RNF150: variants seen among roughly 807,000 people sequenced by gnomAD.
The protein encoded by RNF150 is ring finger protein 150.
Under a neutral mutation model 39.3 loss-of-function variants are expected in RNF150, and 24 were observed. The ratio of observed to expected loss-of-function variants is 0.61; its 90% CI spans 0.44 to 0.86. The LOEUF is 0.86. Among genes scored for constraint, RNF150 ranks in the 40% least tolerant of loss-of-function variants. The pLI is 0.00. For missense variants in RNF150, 502 were observed against 587.8 expected (o/e 0.85, Z 1.51); for synonymous variants, 255 against 227.3 (o/e 1.12, Z -1.10).
At chr4:140,966,905 G>A (rs746243492) in intron 2 of RNF150, among the ~76,000 whole-genome samples, 2 of 152,124 alleles carry the variant, frequency 1.3e-5, no homozygotes, top group African/African-American at 4.8e-5. Flanking sequence ...GAGAAAACAT[G>A]TCCGTTAATA....
At chr4:141,011,189 C>T (rs1735063090) in intron 1 of RNF150, among the ~76,000 whole-genome samples, 1 of 151,896 alleles carries the variant, frequency 6.6e-6, no homozygotes, top group Non-Finnish European at 1.5e-5. Flanking sequence ...TACTTTTTTA[C>T]CCGCCATAAT....
At chr4:141,003,995 T>C (rs1322214594) in intron 1 of RNF150, among the ~76,000 whole-genome samples, 1 of 152,132 alleles carries the variant, frequency 6.6e-6, no homozygotes, top group Non-Finnish European at 1.5e-5. Flanking sequence ...TAGGAAGTTG[T>C]ATACCAGAAA....
intron 1 of RNF150, among the ~76,000 whole-genome samples, chr4:141,024,280 G>C (rs2110797579): frequency 6.6e-6 from 1 of 152,132 alleles, no homozygotes; most frequent in African/African-American, 2.4e-5. Context: ...CAAGGATAAG[G>C]GTGACTGTCT....
At chr4:140,999,294 G>C (rs372997794) in intron 1 of RNF150, among the ~76,000 whole-genome samples, 1 of 152,214 alleles carries the variant, frequency 6.6e-6, no homozygotes, top group Non-Finnish European at 1.5e-5. Context: ...AATCAACTCT[G>C]CTGATGAGCA....
chr4:140,944,166 T>C (rs1732195881), intron 4 of RNF150, among the ~76,000 whole-genome samples: 1 of 152,260 alleles, frequency 6.6e-6, no homozygotes, highest in Admixed American at 6.5e-5. Flanking sequence ...GAGAAGATAA[T>C]AAAATGAAAC....
At chr4:141,005,797 G>A (rs1392801548) in intron 1 of RNF150, among the ~76,000 whole-genome samples, 2 of 130,000 alleles carry the variant, frequency 1.5e-5, no homozygotes, top group Non-Finnish European at 3.5e-5. Context: ...GGCCGGGCGC[G>A]GTGGCTCACG....
At chr4:140,963,201 T>G (rs1733106678) in intron 2 of RNF150, among the ~76,000 whole-genome samples, 1 of 151,994 alleles carries the variant, frequency 6.6e-6, no homozygotes, top group Admixed American at 6.6e-5. Context: ...TCCCAGAAGC[T>G]ACAGAAAATT....
At chr4:140,887,553 T>C (rs1374250851) in intron 6 of RNF150, among the ~76,000 whole-genome samples, 2 of 152,222 alleles carry the variant, frequency 1.3e-5, no homozygotes, top group African/African-American at 4.8e-5. Context: ...TCTTCAGTGT[T>C]GTTGGATGTA....
intron 1 of RNF150, among the ~76,000 whole-genome samples, chr4:141,186,408 T>G (rs1578786794): frequency 6.6e-6 from 1 of 152,274 alleles, no homozygotes; most frequent in African/African-American, 2.4e-5. Context: ...TCTTTTAGTC[T>G]TGTTTTTTTG....
chr4:141,100,366 G>C lies in RNF150; in HGVS notation c.484+31959C>G, dbSNP rs556135887. ...CCTCTTCAACTGGAGATGAAATTCTGGAATGGATTCCACAAATAGAAAAAA... is the reference window on the plus strand; with the variant it reads ...CCTCTTCAACTGGAGATGAAATTCTCGAATGGATTCCACAAATAGAAAAAA... On this transcript the variant is annotated intron_variant, in intron 1 of 6. Coordinates refer to ENST00000515673, the MANE Select transcript of RNF150 (RefSeq NM_020724.2). Among the ~76,000 whole-genome samples the C allele has an allele frequency of 2.2e-4, 33 of 152,230 alleles. No individual in the cohort carries two copies. The South Asian group carries it at 6.6e-3, about 31-fold the overall frequency.
chr4:141,104,030 A>C (rs147113640), intron 1 of RNF150, among the ~76,000 whole-genome samples: 108 of 152,300 alleles, frequency 7.1e-4, no homozygotes, highest in South Asian at 5.2e-3. Context: ...GGATATACTT[A>C]ATGGAGATCG....
At chr4:141,155,397 C>T (rs189137412) in intron 1 of RNF150, among the ~76,000 whole-genome samples, 22 of 152,088 alleles carry the variant, frequency 1.4e-4, no homozygotes, top group African/African-American at 3.9e-4. Context: ...TACGACCGGC[C>T]GAGAGCTTTA....
chr4:140,905,041 A>G (rs1715536716), intron 6 of RNF150, among the ~76,000 whole-genome samples: 1 of 152,158 alleles, frequency 6.6e-6, no homozygotes, highest in Admixed American at 6.5e-5. Flanking sequence ...AACTCTTTGG[A>G]AGTTTTTCCT....
At chr4:141,065,982 G>A (rs1737439811) in intron 1 of RNF150, among the ~76,000 whole-genome samples, 1 of 152,068 alleles carries the variant, frequency 6.6e-6, no homozygotes, top group African/African-American at 2.4e-5. Context: ...TCCTGTTGAG[G>A]TAACACACTG....
chr4:141,131,329 G>A (rs1447289732), intron 1 of RNF150, among the ~76,000 whole-genome samples: 2 of 152,186 alleles, frequency 1.3e-5, no homozygotes, highest in African/African-American at 2.4e-5. Flanking sequence ...CCACAGTCTC[G>A]GCCCAGAAAC....
At chr4:140,898,357 C>T (rs1280365915) in intron 6 of RNF150, among the ~76,000 whole-genome samples, 1 of 150,714 alleles carries the variant, frequency 6.6e-6, no homozygotes, top group Non-Finnish European at 1.5e-5. Flanking sequence ...AATCAGGAGA[C>T]CCATGATGAG....
chr4:140,981,290 T>A (rs1332219483), intron 1 of RNF150, among the ~76,000 whole-genome samples: 2 of 152,162 alleles, frequency 1.3e-5, no homozygotes, highest in Non-Finnish European at 2.9e-5. Flanking sequence ...TAATGAGACA[T>A]CTTGGCGATA....
intron 1 of RNF150, among the ~76,000 whole-genome samples, chr4:141,142,734 T>A (rs1217161466): frequency 6.6e-6 from 1 of 152,202 alleles, no homozygotes; most frequent in Admixed American, 6.5e-5. Context: ...CTCTCTTGAT[T>A]TCTTCAGTGC....
At chr4:140,955,769 T>C (rs1455286621) in intron 2 of RNF150, among the ~76,000 whole-genome samples, 1 of 152,242 alleles carries the variant, frequency 6.6e-6, no homozygotes, top group Non-Finnish European at 1.5e-5. Context: ...CCTTGGTGGC[T>C]GAGACTTGGC....
Sources: gnomAD v4.1 joint callset for allele counts (sites outside exome capture counted in the v4.1 genomes callset) on GRCh38, gnomAD v4.1.1 for gene constraint, MANE v1.5 for transcripts, NCBI Gene and HGNC (gene_info 2026-07-23, HGNC 2026-07-21) for gene names.